Variants in FEZF2 observed in about 807,000 individuals in gnomAD.
The protein encoded by FEZF2 is fez family zinc finger protein 2.
Under a neutral mutation model 32.8 loss-of-function variants are expected in FEZF2, and 2 were observed. That is an observed-to-expected ratio of 0.06 (90% CI 0.02 to 0.19). The LOEUF (loss-of-function observed/expected upper bound fraction) is 0.19, where lower values mean the gene tolerates loss of function less well. FEZF2 is among the 10% of genes least tolerant of loss of function. FEZF2 has a pLI of 1.00. For synonymous variants in FEZF2, 322 were observed against 284.8 expected (o/e 1.13, Z -1.32); for missense variants, 516 against 625.4 (o/e 0.83, Z 1.87).
At position 62,372,573 on chromosome 3, in the gene FEZF2, A is replaced by C; in HGVS notation, c.296T>G (p.Leu99Arg). ...GCCGCCTCCGCCGCCGCCCGCCCGGAGGCTGCTTTTCCAGAGCTCCGAGTA... is the reference window on the plus strand; with the variant it reads ...GCCGCCTCCGCCGCCGCCCGCCCGGCGGCTGCTTTTCCAGAGCTCCGAGTA... ...LSYSELWKSS[L>R]RAGGGGGGGG... Residue 99 changes from leucine (L) to arginine (R), a missense_variant, in exon 2 of 5, where the codon CTC becomes CGC. By Grantham distance (102) the Leu-to-Arg change is moderately radical. Coordinates refer to ENST00000283268, the MANE Select transcript of FEZF2 (RefSeq NM_018008.4). The surrounding 1 kb of genome is among the most constrained non-coding windows in gnomAD (Gnocchi z 9.6). The C allele has an allele frequency of 2.1e-6, 3 of 1,396,660 alleles. No homozygotes were observed. The highest frequency in any genetic ancestry group is 2.8e-6 in the Non-Finnish European group (3 of 1,073,728). 86.5% of individuals were successfully genotyped at this position (1,396,660 alleles called of 1,614,324 possible).
chr3:62,370,132 C>T lies in FEZF2; in HGVS notation c.1331G>A (p.Gly444Asp). The change falls in exon 5 of 5, where the codon GGC (glycine) becomes GAC (aspartate). Residue 444 changes from glycine (G) to aspartate (D), a missense_variant. Around this residue, in one of 3 missense-constraint regions of FEZF2, gnomAD observed 29 missense variants for 23.8 expected, o/e 1.22. Coordinates refer to ENST00000283268, the MANE Select transcript of FEZF2 (RefSeq NM_018008.4). This position sits in a 1 kb window ranked among gnomAD's most constrained non-coding sequence, Gnocchi z 4.2. ...KHVRKLHDSV[G>D]PAAPSAKDLT... ...GTCCTTTGCGGAGGGGGCAGCAGGG[C>T]CCACGCTGTCGTGGAGTTTGCGCAC... The T allele has an allele frequency of 6.2e-7, 1 of 1,614,190 alleles. No homozygotes were observed. Among genetic ancestry groups the T allele is most frequent in the Non-Finnish European group, 8.5e-7 (1 of 1,180,040 alleles).
chr3:62,371,906 C>A, intron 2 of FEZF2, 111 bp downstream of exon 2: 2 of 1,462,860 alleles, frequency 1.4e-6, no homozygotes, highest in South Asian at 2.8e-5. Context: ...TTTGGGTAGT[C>A]AACTACTGGG....
chr3:62,372,934 C>T lies in FEZF2; in HGVS notation c.-58-8G>A, dbSNP rs970644682. ...AGCCTCTCTCCTCTAAGTCTGCATTCCGGAAAAGGCAGGGGGGAAAACTGC... is the reference window on the plus strand; with the variant it reads ...AGCCTCTCTCCTCTAAGTCTGCATTTCGGAAAAGGCAGGGGGGAAAACTGC... On this transcript the variant is annotated splice_region_variant and splice_polypyrimidine_tract_variant and intron_variant, in intron 1 of 4. Transcript: ENST00000283268. This position sits in a 1 kb window ranked among gnomAD's most constrained non-coding sequence, Gnocchi z 9.6. The T allele has an allele frequency of 7.6e-7, 1 of 1,314,754 alleles. No individual in the cohort carries two copies. Among genetic ancestry groups the T allele is most frequent in the Non-Finnish European group, 9.8e-7 (1 of 1,025,186 alleles). The allele number at this position is 1,314,754 out of a possible 1,614,324, so 81.4% of individuals were successfully genotyped here.
Position 62,372,074 on chromosome 3 carries a change from C to T in FEZF2, c.795G>A (p.Leu265=). Residue 265 remains leucine (L), a synonymous_variant, in exon 2 of 5, where the codon CTG becomes CTA. Transcript: ENST00000283268. The surrounding 1 kb of genome is among the most constrained non-coding windows in gnomAD (Gnocchi z 9.6). ...GCTTGCCATCTGCGGAGCCTCCTGG[C>T]AGCTTGCTGTGGCCCTTGACGCCTC... ...ERGGVKGHSK[L]PGGSADGKPK... is the part of the protein sequence containing the mutation. 2 of 1,609,288 alleles carry T rather than the reference C, an allele frequency of 1.2e-6. No homozygotes were observed. Among genetic ancestry groups the T allele is most frequent in the Non-Finnish European group, 8.5e-7 (1 of 1,178,770 alleles).
At position 62,372,859 on chromosome 3, in the gene FEZF2, A is replaced by G; in HGVS notation, c.10T>C (p.Ser4Pro). 1 of 1,439,180 alleles carries G rather than the reference A, an allele frequency of 6.9e-7. No homozygotes were observed. The highest frequency in any genetic ancestry group is 2.8e-5 in the East Asian group (1 of 36,212). The allele number at this position is 1,439,180 out of a possible 1,614,324, so 89.2% of individuals were successfully genotyped here. A position where few individuals can be genotyped will look rare whatever the true frequency, so the allele number is the denominator to read the frequency against. The part of the protein sequence containing the change: MAS[S>P]ASLETMVPPA... Reference sequence around the variant, plus strand: ...GGCACCATGGTCTCCAGGGAAGCCGAGCTTGCCATGGCGCGCGGAGCTGAG... The same window carrying G: ...GGCACCATGGTCTCCAGGGAAGCCGGGCTTGCCATGGCGCGCGGAGCTGAG... The change falls in exon 2 of 5, where the codon TCG becomes CCG. Residue 4 changes from serine (S) to proline (P), a missense_variant. Ser to Pro is a moderately conservative substitution (Grantham distance 74). Coordinates refer to ENST00000283268, the MANE Select transcript of FEZF2 (RefSeq NM_018008.4). The surrounding 1 kb of genome is among the most constrained non-coding windows in gnomAD (Gnocchi z 9.6).
Position 62,370,103 on chromosome 3 carries a change from T to C in FEZF2, c.1360A>G (p.Thr454Ala), listed in dbSNP as rs780468998. 1 of 1,614,048 alleles carries C rather than the reference T, an allele frequency of 6.2e-7. No homozygotes were observed. The highest frequency in any genetic ancestry group is 1.3e-5 in the African/African-American group (1 of 74,922). Residue 454 changes from threonine (T) to alanine (A), a missense_variant, in exon 5 of 5, where the codon ACT becomes GCT. Coordinates refer to ENST00000283268, the MANE Select transcript of FEZF2 (RefSeq NM_018008.4). The surrounding 1 kb of genome is among the most constrained non-coding windows in gnomAD (Gnocchi z 4.2). ...AGCTCTCAGCTCTGCACTGTCCTAG[T>C]CAGGTCCTTTGCGGAGGGGGCAGCA... ...GPAAPSAKDL[T>A]RTVQS
At position 62,370,467 on chromosome 3, in the gene FEZF2, G is replaced by C; in HGVS notation, c.1121-125C>G. 1 of 979,504 alleles carries C rather than the reference G, an allele frequency of 1.0e-6. No individual in the cohort carries two copies. The highest frequency in any genetic ancestry group is 1.5e-6 in the Non-Finnish European group (1 of 653,728). The allele number at this position is 979,504 out of a possible 1,614,324, so 60.7% of individuals were successfully genotyped here. A position where few individuals can be genotyped will look rare whatever the true frequency, so the allele number is the denominator to read the frequency against. On this transcript the variant is annotated intron_variant, in intron 4 of 4. Transcript: ENST00000283268. The surrounding 1 kb of genome is among the most constrained non-coding windows in gnomAD (Gnocchi z 4.2). Reference sequence around the variant, plus strand: ...AGGCGACGCTTGGCTAGGCGGGCGCGACCTCTTCGAGTGAAGAAGTTGTCA... The same window carrying C: ...AGGCGACGCTTGGCTAGGCGGGCGCCACCTCTTCGAGTGAAGAAGTTGTCA...
chr3:62,370,011 T>G lies in FEZF2; in HGVS notation c.*72A>C. 6.7e-7 allele frequency: 1 copy of G among 1,483,620 alleles called. No homozygotes were observed. Among genetic ancestry groups the G allele is most frequent in the Non-Finnish European group, 9.0e-7 (1 of 1,108,822 alleles). The allele number at this position is 1,483,620 out of a possible 1,614,324, so 91.9% of individuals were successfully genotyped here. A position where few individuals can be genotyped will look rare whatever the true frequency, so the allele number is the denominator to read the frequency against. ...CTATAGTTTTTTTTTCTTTTAATTT[T>G]AGAAATAAGTTTATATGTGTGATCT... On this transcript the variant is annotated 3_prime_UTR_variant, in exon 5 of 5. Transcript: ENST00000283268. The surrounding 1 kb of genome is among the most constrained non-coding windows in gnomAD (Gnocchi z 4.2).
At position 62,370,120 on chromosome 3, in the gene FEZF2, G is replaced by C. The variant is rs1474735737; in HGVS notation, c.1343C>G (p.Pro448Arg). 3.7e-6 allele frequency: 6 copies of C among 1,614,180 alleles called. No homozygotes were observed. The highest frequency in any genetic ancestry group is 5.1e-6 in the Non-Finnish European group (6 of 1,180,028). ...KLHDSVGPAA[P>R]SAKDLTRTVQ... ...TGTCCTAGTCAGGTCCTTTGCGGAG[G>C]GGGCAGCAGGGCCCACGCTGTCGTG... is the stretch of plus-strand genomic sequence containing the variant. Residue 448 changes from proline to arginine, a missense_variant, in exon 5 of 5, where the codon CCC becomes CGC. Physicochemically the swap from Pro to Arg is moderately radical, Grantham distance 103. Transcript: ENST00000283268. The surrounding 1 kb of genome is among the most constrained non-coding windows in gnomAD (Gnocchi z 4.2).
chr3:62,370,079 G>A lies in FEZF2; in HGVS notation c.*4C>T. The A allele has an allele frequency of 6.2e-7, 1 of 1,613,546 alleles. No homozygotes were observed. The highest frequency in any genetic ancestry group is 8.5e-7 in the Non-Finnish European group (1 of 1,179,470). On this transcript the variant is annotated 3_prime_UTR_variant, in exon 5 of 5. Transcript: ENST00000283268. This position sits in a 1 kb window ranked among gnomAD's most constrained non-coding sequence, Gnocchi z 4.2. Reference sequence around the variant, plus strand: ...GGAGGGAAGGAAGGGCAAGGCAGTAGCTCTCAGCTCTGCACTGTCCTAGTC... The same window carrying A: ...GGAGGGAAGGAAGGGCAAGGCAGTAACTCTCAGCTCTGCACTGTCCTAGTC...
In FEZF2 at chr3:62,372,444, G is replaced by T. The variant is rs767226938; in HGVS notation, c.425C>A (p.Ala142Glu). ...CCTGCCCGCGGGCAGCGCGGACGGCGCCAGGCCCAGCTCGGCCTTGCAGCA... is the reference window on the plus strand; with the variant it reads ...CCTGCCCGCGGGCAGCGCGGACGGCTCCAGGCCCAGCTCGGCCTTGCAGCA... ...GVCCKAELGLAPSALPAGRVI... is the reference protein window; with the variant it reads ...GVCCKAELGLEPSALPAGRVI... The change falls in exon 2 of 5, where the codon GCG (alanine) becomes GAG (glutamate). Residue 142 changes from alanine to glutamate, a missense_variant. Ala to Glu is a moderately radical substitution (Grantham distance 107). Transcript: ENST00000283268. The surrounding 1 kb of genome is among the most constrained non-coding windows in gnomAD (Gnocchi z 9.6). 8.1e-6 allele frequency: 13 copies of T among 1,606,416 alleles called. No homozygotes were observed. The highest frequency in any genetic ancestry group is 1.7e-5 in the Admixed American group (1 of 59,486).
rs1262309892 is a variant in FEZF2, at chr3:62,369,712, C to A, written c.*371G>T. 4.6e-6 allele frequency: 1 copy of A among 216,300 alleles called. No homozygotes were observed. Among genetic ancestry groups the A allele is most frequent in the Non-Finnish European group, 9.3e-6 (1 of 107,690 alleles). The allele number at this position is 216,300 out of a possible 1,614,324, so 13.4% of individuals were successfully genotyped here. A position where few individuals can be genotyped will look rare whatever the true frequency, so the allele number is the denominator to read the frequency against. ...TTATTGAGTTATATATGTATATATTCCGTGTTCGCTTGTACAGGAGGATTT... is the reference window on the plus strand; with the variant it reads ...TTATTGAGTTATATATGTATATATTACGTGTTCGCTTGTACAGGAGGATTT... On this transcript the variant is annotated 3_prime_UTR_variant, in exon 5 of 5. Coordinates refer to ENST00000283268, the MANE Select transcript of FEZF2 (RefSeq NM_018008.4). This position sits in a 1 kb window ranked among gnomAD's most constrained non-coding sequence, Gnocchi z 4.2.
chr3:62,371,802 G>A, intron 2 of FEZF2, 135 bp from the exon 3 acceptor site: 1 of 1,422,478 alleles, frequency 7.0e-7, no homozygotes, highest in Admixed American at 2.4e-5. Context: ...GTAAAGTGCT[G>A]CCCAAACTCC....
At position 62,369,817 on chromosome 3, in the gene FEZF2, G is replaced by A. The variant is rs1704244165; in HGVS notation, c.*266C>T. On this transcript the variant is annotated 3_prime_UTR_variant, in exon 5 of 5. Coordinates refer to ENST00000283268, the MANE Select transcript of FEZF2 (RefSeq NM_018008.4). This position sits in a 1 kb window ranked among gnomAD's most constrained non-coding sequence, Gnocchi z 4.2. ...TGACAGGCTGGGGTTAAAACTGGCT[G>A]CCCCAGGAGAAGCGGAGGCCTGGAA... 2.4e-6 allele frequency: 1 copy of A among 425,438 alleles called. No homozygotes were observed. Among genetic ancestry groups the A allele is most frequent in the Non-Finnish European group, 4.2e-6 (1 of 239,084 alleles). 26.4% of individuals were successfully genotyped at this position (425,438 alleles called of 1,614,324 possible).
chr3:62,371,315 G>A lies in FEZF2; in HGVS notation c.1022C>T (p.Ala341Val). Residue 341 changes from alanine (A) to valine (V), a missense_variant, in exon 4 of 5, where the codon GCG becomes GTG. By Grantham distance (64) the Ala-to-Val change is moderately conservative. This residue lies in a region of FEZF2 where 79 missense variants were observed against 219.4 expected (regional missense o/e 0.36). Coordinates refer to ENST00000283268, the MANE Select transcript of FEZF2 (RefSeq NM_018008.4). Reference protein sequence around the residue: ...KPHKCNQCGKAFNRSSTLNTH... With the variant: ...KPHKCNQCGKVFNRSSTLNTH... ...GTTGAGCGTGGAGCTGCGGTTGAAC[G>A]CTTTGCCGCACTGGTTGCATTTATG... The A allele has an allele frequency of 6.2e-7, 1 of 1,614,214 alleles. No homozygotes were observed. The highest frequency in any genetic ancestry group is 8.5e-7 in the Non-Finnish European group (1 of 1,180,032).
Position 62,370,459 on chromosome 3 carries a change from G to T in FEZF2, c.1121-117C>A, listed in dbSNP as rs1414160502. ...CTCAAAAAAGGCGACGCTTGGCTAG[G>T]CGGGCGCGACCTCTTCGAGTGAAGA... On this transcript the variant is annotated intron_variant, in intron 4 of 4. Coordinates refer to ENST00000283268, the MANE Select transcript of FEZF2 (RefSeq NM_018008.4). This position sits in a 1 kb window ranked among gnomAD's most constrained non-coding sequence, Gnocchi z 4.2. The T allele has an allele frequency of 1.8e-6, 2 of 1,105,500 alleles. No individual in the cohort carries two copies. The highest frequency in any genetic ancestry group is 1.3e-6 in the Non-Finnish European group (1 of 764,150). 68.5% of individuals were successfully genotyped at this position (1,105,500 alleles called of 1,614,324 possible). A position where few individuals can be genotyped will look rare whatever the true frequency, so the allele number is the denominator to read the frequency against.
Position 62,371,340 on chromosome 3 carries a change from G to A in FEZF2, c.997C>T (p.His333Tyr). The A allele has an allele frequency of 6.2e-7, 1 of 1,614,040 alleles. No homozygotes were observed. The part of the protein sequence containing the change: ...HKIIHTQEKP[H>Y]KCNQCGKAFN... ...GCTTTGCCGCACTGGTTGCATTTATGTGGCTTTTCCTGAGGAAAGGGGCGA... is the reference window on the plus strand; with the variant it reads ...GCTTTGCCGCACTGGTTGCATTTATATGGCTTTTCCTGAGGAAAGGGGCGA... The change falls in exon 4 of 5, where the codon CAT becomes TAT. Residue 333 changes from histidine (H) to tyrosine (Y), a missense_variant. Physicochemically the swap from His to Tyr is moderately conservative, Grantham distance 83 (BLOSUM62 2). Around this residue, in one of 3 missense-constraint regions of FEZF2, gnomAD observed 79 missense variants for 219.4 expected, o/e 0.36. Coordinates refer to ENST00000283268, the MANE Select transcript of FEZF2 (RefSeq NM_018008.4).
Position 62,370,037 on chromosome 3 carries a change from G to A in FEZF2, c.*46C>T, listed in dbSNP as rs1452613009. The A allele has an allele frequency of 5.6e-6, 9 of 1,599,100 alleles. No homozygotes were observed. Among genetic ancestry groups the A allele is most frequent in the Admixed American group, 1.7e-5 (1 of 59,040 alleles). ...AGAAATAAGTTTATATGTGTGATCTGTTTTCAGGTGGTACAGGGAGGGAAG... is the reference window on the plus strand; with the variant it reads ...AGAAATAAGTTTATATGTGTGATCTATTTTCAGGTGGTACAGGGAGGGAAG... On this transcript the variant is annotated 3_prime_UTR_variant, in exon 5 of 5. Coordinates refer to ENST00000283268, the MANE Select transcript of FEZF2 (RefSeq NM_018008.4). The surrounding 1 kb of genome is among the most constrained non-coding windows in gnomAD (Gnocchi z 4.2).
chr3:62,372,830 CG>C lies in FEZF2; in HGVS notation c.38del (p.Pro13ArgfsTer41). ...SSASLETMVP[P>X]ACPRAGASPA... ...GCGACGCTCCGGCGCGCGGGCAGGC[CG>C]GGGGCACCATGGTCTCCAGGGAAGC... On this transcript the variant is annotated frameshift_variant, in exon 2 of 5. Coordinates refer to ENST00000283268, the MANE Select transcript of FEZF2 (RefSeq NM_018008.4). LOFTEE classifies it high-confidence loss of function. This position sits in a 1 kb window ranked among gnomAD's most constrained non-coding sequence, Gnocchi z 9.6. 4 of 1,509,950 alleles carry C rather than the reference CG, an allele frequency of 2.6e-6. No individual in the cohort carries two copies. Among genetic ancestry groups the C allele is most frequent in the South Asian group, 1.3e-5 (1 of 78,586 alleles). The allele number at this position is 1,509,950 out of a possible 1,614,324, so 93.5% of individuals were successfully genotyped here.
Sources: gnomAD v4.1 joint callset for allele counts on GRCh38, gnomAD v4.1.1 for gene constraint, gnomAD v4.1.1 regional missense constraint, Gnocchi (gnomAD v3.1) non-coding constraint, MANE v1.5 for transcripts, NCBI Gene and HGNC (gene_info 2026-07-23, HGNC 2026-07-21) for gene names.